The following NFAT5 variants were observed in gnomAD, a reference collection of about 807,000 sequenced individuals.
NFAT5 encodes the protein nuclear factor of activated T cells 5.
NFAT5 carries 31 observed loss-of-function variants against 166.5 expected under a neutral mutation model. The observed-to-expected ratio is 0.19, with a 90% CI of 0.14 to 0.25. The LOEUF (loss-of-function observed/expected upper bound fraction) is 0.25, where lower values mean the gene tolerates loss of function less well. NFAT5 is among the 10% of genes least tolerant of loss of function. The pLI is 1.00. For missense variants in NFAT5, 1,449 were observed against 1,821.8 expected, an observed-to-expected ratio of 0.80 and a Z score of 3.72; for synonymous variants, 612 against 639.7, an observed-to-expected ratio of 0.96 and a Z score of 0.65.
At chr16:69,596,056 T>A (rs1472343572) in intron 2 of NFAT5, among the ~76,000 whole-genome samples, 1 of 152,182 alleles carries the variant, frequency 6.6e-6, no homozygotes, top group East Asian at 1.9e-4. Flanking sequence ...CATTTAATAT[T>A]TTCTGAACTT....
At chr16:69,629,699 T>C (rs2034621410) in intron 3 of NFAT5, among the ~76,000 whole-genome samples, 2 of 151,324 alleles carry the variant, frequency 1.3e-5, no homozygotes. Context: ...ACTGCAACCT[T>C]CAACTACTGG....
intron 3 of NFAT5, among the ~76,000 whole-genome samples, chr16:69,644,072 G>A (rs1000692607): frequency 9.2e-5 from 14 of 152,140 alleles, no homozygotes; most frequent in Non-Finnish European, 2.1e-4. Flanking sequence ...GATTGCTTGA[G>A]CCCAAGAATT....
At chr16:69,688,202 C>CAAAAAAAAAAAAAAAAAAAA (rs1188158260) in intron 11 of NFAT5, among the ~76,000 whole-genome samples, 3 of 49,508 alleles carry the variant, frequency 6.1e-5, no homozygotes, top group African/African-American at 6.3e-5. Flanking sequence ...GACTCCGTCT[C>CAAAAAAAAAAAAAAAAAAAA]AAAAAAAAAA....
chr16:69,658,403 A>G (rs2151642693), intron 6 of NFAT5, among the ~76,000 whole-genome samples: 1 of 151,872 alleles, frequency 6.6e-6, no homozygotes, highest in Admixed American at 6.6e-5. Context: ...GAATCTCTGG[A>G]ACCCTGGAGG....
At chr16:69,608,076 C>A (rs558387980) in intron 2 of NFAT5, among the ~76,000 whole-genome samples, 2 of 151,920 alleles carry the variant, frequency 1.3e-5, no homozygotes, top group Admixed American at 1.3e-4. Context: ...CTTTATTGGC[C>A]GGTCACGGTG....
At chr16:69,656,791 A>G (rs1180517695) in intron 6 of NFAT5, among the ~76,000 whole-genome samples, 4 of 152,172 alleles carry the variant, frequency 2.6e-5, no homozygotes, top group African/African-American at 9.7e-5. Context: ...GCCTTATTCC[A>G]TCTTGATGTG....
chr16:69,643,476 A>G (rs1198644937), intron 3 of NFAT5, among the ~76,000 whole-genome samples: 3 of 152,014 alleles, frequency 2.0e-5, no homozygotes, highest in Admixed American at 2.0e-4. Flanking sequence ...TTATGGATAT[A>G]TAAGTAGGTA....
chr16:69,575,624 T>A (rs1270008571), intron 2 of NFAT5, among the ~76,000 whole-genome samples: 4 of 150,850 alleles, frequency 2.7e-5, no homozygotes, highest in African/African-American at 2.4e-5. Context: ...TCTTAAAAAA[T>A]AATAATAATA....
At position 69,655,339 on chromosome 16, in the gene NFAT5, T is replaced by C. The variant is rs1238466848; in HGVS notation, c.1006-270T>C. On this transcript the variant is annotated intron_variant, in intron 5 of 14. Transcript: ENST00000349945. The stretch of plus-strand genomic sequence containing the variant: ...GTACTGTGCATTCATTCTCATCTGC[T>C]TGTACAAATAAATTATAAATGATAA... Among the ~76,000 whole-genome samples, 8 of 152,264 alleles carry C rather than the reference T, an allele frequency of 5.3e-5. No homozygotes were observed. In the East Asian group the frequency reaches 1.5e-3, roughly 29 times the overall value.
At chr16:69,603,531 C>G (rs2033248520) in intron 2 of NFAT5, among the ~76,000 whole-genome samples, 1 of 152,008 alleles carries the variant, frequency 6.6e-6, no homozygotes, top group African/African-American at 2.4e-5. Context: ...GTGGGCAGAT[C>G]ACTTAAACTC....
intron 9 of NFAT5, among the ~76,000 whole-genome samples, chr16:69,674,709 T>C (rs1451234898): frequency 6.6e-6 from 1 of 152,180 alleles, no homozygotes; most frequent in Non-Finnish European, 1.5e-5. Flanking sequence ...TCTAATTATG[T>C]AGGTATTCTG....
At position 69,647,045 on chromosome 16, in the gene NFAT5, T is replaced by C; in HGVS notation, c.271T>C (p.Ser91Pro). The C allele has an allele frequency of 6.3e-7, 1 of 1,586,166 alleles. No homozygotes were observed. The highest frequency in any genetic ancestry group is 8.6e-7 in the Non-Finnish European group (1 of 1,162,948). ...VVAADASSAP[S>P]SSSMGGACSS... Reference sequence around the variant, plus strand: ...CACTGCAGATGCTTCTTCAGCTCCCTCCTCTTCCTCCATGGGCGGTGCTTG... The same window carrying C: ...CACTGCAGATGCTTCTTCAGCTCCCCCCTCTTCCTCCATGGGCGGTGCTTG... Residue 91 changes from serine to proline, a missense_variant, in exon 4 of 15, where the codon TCC becomes CCC. Around this residue, in one of 7 missense-constraint regions of NFAT5, gnomAD observed 172 missense variants for 194.5 expected, o/e 0.88. Coordinates refer to ENST00000349945, the MANE Select transcript of NFAT5 (RefSeq NM_138713.4). The surrounding 1 kb of genome is among the most constrained non-coding windows in gnomAD (Gnocchi z 4.8).
intron 2 of NFAT5, among the ~76,000 whole-genome samples, chr16:69,570,380 A>G (rs745863167): frequency 8.0e-4 from 122 of 152,224 alleles, no homozygotes; most frequent in African/African-American, 1.9e-3. Context: ...TAAAGAATAC[A>G]TAAAAGTAGA....
intron 10 of NFAT5, among the ~76,000 whole-genome samples, chr16:69,681,906 A>G (rs2037075619): frequency 6.7e-6 from 1 of 150,242 alleles, no homozygotes; most frequent in Admixed American, 6.6e-5. Flanking sequence ...CAACAGAGCA[A>G]GACTCCATCT....
At chr16:69,600,269 A>G (rs948787714) in intron 2 of NFAT5, among the ~76,000 whole-genome samples, 7 of 152,226 alleles carry the variant, frequency 4.6e-5, no homozygotes, top group Admixed American at 2.6e-4. Flanking sequence ...TTGTGTCAGA[A>G]ATTGGAAATA....
chr16:69,639,937 AT>A (rs997583501), intron 3 of NFAT5, among the ~76,000 whole-genome samples: 51 of 152,096 alleles, frequency 3.4e-4, no homozygotes, highest in African/African-American at 1.2e-3. Flanking sequence ...TAATAATTAA[AT>A]TTTTTGAAGT....
At chr16:69,666,413 C>T (rs541687599) in intron 7 of NFAT5, among the ~76,000 whole-genome samples, 4 of 151,138 alleles carry the variant, frequency 2.6e-5, no homozygotes, top group African/African-American at 9.7e-5. Context: ...ATTTTCGCAA[C>T]CTACTCATCT....
At position 69,566,392 on chromosome 16, in the gene NFAT5, G is replaced by A; in HGVS notation, c.73+18G>A. 6.4e-7 allele frequency: 1 copy of A among 1,572,656 alleles called. No individual in the cohort carries two copies. The highest frequency in any genetic ancestry group is 8.7e-7 in the Non-Finnish European group (1 of 1,155,168). ...CTCGCGAGGTGAGTCAGGCTGTGGG[G>A]GGTGGGGCGTGGGGGCGGGGAGACA... is the stretch of plus-strand genomic sequence containing the variant. On this transcript the variant is annotated intron_variant, in intron 1 of 14. Transcript: ENST00000349945. The surrounding 1 kb of genome is among the most constrained non-coding windows in gnomAD (Gnocchi z 5.7).
chr16:69,591,258 G>C (rs2032443057), intron 2 of NFAT5, among the ~76,000 whole-genome samples: 1 of 152,028 alleles, frequency 6.6e-6, no homozygotes, highest in Non-Finnish European at 1.5e-5. Flanking sequence ...CTAACTTCTA[G>C]TTGGTATGAA....
Sources: gnomAD v4.1 joint callset for allele counts (sites outside exome capture counted in the v4.1 genomes callset) on GRCh38, gnomAD v4.1.1 for gene constraint, gnomAD v4.1.1 regional missense constraint, Gnocchi (gnomAD v3.1) non-coding constraint, MANE v1.5 for transcripts, NCBI Gene and HGNC (gene_info 2026-07-23, HGNC 2026-07-21) for gene names.